FAM184B: variants seen among roughly 807,000 people sequenced by gnomAD.
FAM184B encodes the protein protein FAM184B.
Under a neutral mutation model 135.9 loss-of-function variants are expected in FAM184B, and 111 were observed. The ratio of observed to expected loss-of-function variants is 0.82; its 90% CI spans 0.70 to 0.96. The LOEUF (loss-of-function observed/expected upper bound fraction) is 0.96. Ranked by LOEUF, FAM184B falls within the 40% of genes least tolerant of loss-of-function variation. The pLI is 0.00. For missense variants in FAM184B, 1,375 were observed against 1,323.9 expected (o/e 1.04, Z -0.60); for synonymous variants, 552 against 524.8 (o/e 1.05, Z -0.71).
At chr4:17,707,583 G>C in intron 3 of FAM184B, 66 bp downstream of exon 3, 1 of 1,536,632 alleles carries the variant, frequency 6.5e-7, no homozygotes, top group Non-Finnish European at 8.8e-7. Context: ...TAGGCTGCCA[G>C]TAGCACCAGA....
At chr4:17,677,980 G>A (rs1006358128) in intron 7 of FAM184B, among the ~76,000 whole-genome samples, 2 of 152,044 alleles carry the variant, frequency 1.3e-5, no homozygotes, top group Non-Finnish European at 2.9e-5. Flanking sequence ...TCCCTTTATG[G>A]TTAAAACCCT....
At chr4:17,725,148 G>A (rs1297675124) in intron 1 of FAM184B, among the ~76,000 whole-genome samples, 3 of 152,202 alleles carry the variant, frequency 2.0e-5, no homozygotes, top group East Asian at 1.9e-4. Context: ...GCAGGCATAC[G>A]GCAGGTCCTC....
In FAM184B at chr4:17,647,788, G is replaced by A. The variant is rs1164900051; in HGVS notation, c.2195C>T (p.Ser732Leu). 3.9e-6 allele frequency: 6 copies of A among 1,549,680 alleles called. No individual in the cohort carries two copies. The highest frequency in any genetic ancestry group is 2.7e-5 in the African/African-American group (2 of 73,000). Residue 732 changes from serine to leucine, a missense_variant, in exon 12 of 18, where the codon TCG becomes TTG. Coordinates refer to ENST00000265018, the MANE Select transcript of FAM184B (RefSeq NM_015688.2). ...CTGCTCCGACAGCTCCTGTCTGAGC[G>A]ACTCTGGAAAAGGGAGAGCAGCAGT... The part of the protein sequence containing the change: ...MQAQQALLLE[S>L]LRQELSEQQA...
intron 7 of FAM184B, 66 bp downstream of exon 7, chr4:17,688,358 G>T (rs1048758604): frequency 2.5e-6 from 3 of 1,202,942 alleles, no homozygotes; most frequent in Non-Finnish European, 1.2e-6. Context: ...TGTTACTGGG[G>T]ACACTGAAAG....
chr4:17,691,913 C>T (rs1359607694), intron 6 of FAM184B, among the ~76,000 whole-genome samples: 1 of 150,282 alleles, frequency 6.7e-6, no homozygotes, highest in Non-Finnish European at 1.5e-5. Flanking sequence ...ATTAGCCAGG[C>T]GTGGTGGCAG....
intron 1 of FAM184B, among the ~76,000 whole-genome samples, chr4:17,778,937 G>A (rs1718981398): frequency 6.6e-6 from 1 of 152,116 alleles, no homozygotes; most frequent in Non-Finnish European, 1.5e-5. Flanking sequence ...TGTTAAATGA[G>A]TAAAATATAC....
intron 1 of FAM184B, among the ~76,000 whole-genome samples, chr4:17,759,073 T>C (rs956410705): frequency 2.6e-5 from 4 of 152,220 alleles, no homozygotes; most frequent in African/African-American, 7.2e-5. Flanking sequence ...TTTGAGATTC[T>C]AAAGAAGTGG....
intron 13 of FAM184B, among the ~76,000 whole-genome samples, chr4:17,639,811 C>A (rs1473879059): frequency 6.6e-6 from 1 of 151,270 alleles, no homozygotes; most frequent in African/African-American, 2.4e-5. Context: ...AACTACACTG[C>A]AGTGGAAAGC....
intron 1 of FAM184B, among the ~76,000 whole-genome samples, chr4:17,725,984 C>T (rs574938046): frequency 7.3e-5 from 11 of 151,604 alleles, no homozygotes; most frequent in South Asian, 6.3e-4. Flanking sequence ...AGTGCAGTGG[C>T]GCCATCTCTG....
chr4:17,705,313 C>T (rs1042313397), intron 4 of FAM184B, 107 bp from the exon 5 acceptor site: 2 of 801,342 alleles, frequency 2.5e-6, no homozygotes, highest in Non-Finnish European at 3.9e-6. Flanking sequence ...ACTGTTTTTA[C>T]AGCATGTAGC....
chr4:17,634,498 A>AT (rs1283606366), intron 16 of FAM184B, among the ~76,000 whole-genome samples: 1 of 152,056 alleles, frequency 6.6e-6, no homozygotes, highest in Non-Finnish European at 1.5e-5. Context: ...TAATTTTTGT[A>AT]TTTTTAATAG....
intron 1 of FAM184B, among the ~76,000 whole-genome samples, chr4:17,729,134 G>A (rs1366713245): frequency 2.6e-5 from 4 of 152,212 alleles, no homozygotes; most frequent in East Asian, 1.9e-4. Flanking sequence ...CTGCGCCCAC[G>A]GAGTCTTGCT....
chr4:17,651,791 G>A (rs1349282921), intron 11 of FAM184B, among the ~76,000 whole-genome samples: 3 of 152,084 alleles, frequency 2.0e-5, no homozygotes, highest in African/African-American at 7.2e-5. Flanking sequence ...GTTAGAGCTG[G>A]GCTTCACACC....
At chr4:17,662,133 A>C (rs114094089) in intron 8 of FAM184B, among the ~76,000 whole-genome samples, 1 of 152,112 alleles carries the variant, frequency 6.6e-6, no homozygotes, top group African/African-American at 2.4e-5. Flanking sequence ...GTTGCTCCTC[A>C]TCATGACTTT....
At chr4:17,635,549 G>T (rs1043163228) in intron 15 of FAM184B, among the ~76,000 whole-genome samples, 1 of 151,332 alleles carries the variant, frequency 6.6e-6, no homozygotes, top group Non-Finnish European at 1.5e-5. Context: ...CTATATGGCC[G>T]ATCTTGTTTG....
rs770179222 is a variant in FAM184B, at chr4:17,693,287, T to C, written c.1488+15A>G. On this transcript the variant is annotated intron_variant, in intron 6 of 17. Coordinates refer to ENST00000265018, the MANE Select transcript of FAM184B (RefSeq NM_015688.2). ...AGAAACAGCACCCCAAGGCTTGCAT[T>C]TGGTCAGGGCTCACCTCAAGCAGAG... The C allele has an allele frequency of 1.3e-6, 2 of 1,539,716 alleles. No homozygotes were observed. Among genetic ancestry groups the C allele is most frequent in the African/African-American group, 2.8e-5 (2 of 72,648 alleles).
chr4:17,702,400 T>C lies in FAM184B; in HGVS notation c.1377+2600A>G, dbSNP rs147542820. Among the ~76,000 whole-genome samples, 10 of 152,198 alleles carry C rather than the reference T, an allele frequency of 6.6e-5. No individual in the cohort carries two copies. In the East Asian group the frequency reaches 1.9e-3, roughly 29 times the overall value. Reference sequence around the variant, plus strand: ...CCATCAAGATTCGGTGACAGTATCATCTAATCTGGGGTCAAGGAAGGCATC... The same window carrying C: ...CCATCAAGATTCGGTGACAGTATCACCTAATCTGGGGTCAAGGAAGGCATC... On this transcript the variant is annotated intron_variant, in intron 5 of 17. Transcript: ENST00000265018.
chr4:17,736,699 G>A (rs1273721246), intron 1 of FAM184B, among the ~76,000 whole-genome samples: 1 of 152,172 alleles, frequency 6.6e-6, no homozygotes, highest in Non-Finnish European at 1.5e-5. Flanking sequence ...GGTTGGGGAT[G>A]AACTAGAGGG....
intron 7 of FAM184B, among the ~76,000 whole-genome samples, chr4:17,686,589 A>G (rs1203870545): frequency 6.6e-6 from 1 of 152,198 alleles, no homozygotes. Context: ...TGGGCAGGTC[A>G]CCTGCCCTCA....
Sources: gnomAD v4.1 joint callset for allele counts (sites outside exome capture counted in the v4.1 genomes callset) on GRCh38, gnomAD v4.1.1 for gene constraint, MANE v1.5 for transcripts, NCBI Gene and HGNC (gene_info 2026-07-23, HGNC 2026-07-21) for gene names.